Variants in PSKH1 observed in about 807,000 individuals in gnomAD.
The protein encoded by PSKH1 is protein serine kinase H1.
PSKH1 carries 12 observed loss-of-function variants against 26.7 expected under a neutral mutation model. That is an observed-to-expected ratio of 0.45 (90% CI 0.29 to 0.73). PSKH1 has a LOEUF of 0.73. Among genes scored for constraint, PSKH1 ranks in the 30% least tolerant of loss-of-function variants. The pLI is 0.11. For synonymous variants in PSKH1, 213 were observed against 234.3 expected (o/e 0.91, Z 0.83); for missense variants, 431 against 595.2 (o/e 0.72, Z 2.87).
intron 2 of PSKH1, among the ~76,000 whole-genome samples, chr16:67,910,705 G>A (rs543426709): frequency 1.3e-5 from 2 of 152,296 alleles, no homozygotes; most frequent in South Asian, 2.1e-4. Context: ...GTTTCGCGAC[G>A]TTGGCCAGCC....
chr16:67,912,013 T>C (rs1054010712), intron 2 of PSKH1, among the ~76,000 whole-genome samples: 8 of 152,212 alleles, frequency 5.3e-5, no homozygotes, highest in African/African-American at 1.9e-4. Flanking sequence ...AACTGGGATC[T>C]GTGGGCCTAG....
At chr16:67,913,148 G>A (rs1001867526) in intron 2 of PSKH1, among the ~76,000 whole-genome samples, 1 of 152,048 alleles carries the variant, frequency 6.6e-6, no homozygotes, top group African/African-American at 2.4e-5. Flanking sequence ...ATGTGCCACT[G>A]CACTCCAGCC....
At position 67,928,863 on chromosome 16, in the gene PSKH1, A is replaced by C. The variant is rs1442370886; in HGVS notation, c.*1221A>C. 6.6e-6 allele frequency: 1 copy of C among 152,540 alleles called. No individual in the cohort carries two copies. The highest frequency in any genetic ancestry group is 6.5e-5 in the Admixed American group (1 of 15,286). The allele number at this position is 152,540 out of a possible 1,614,324, so 9.4% of individuals were successfully genotyped here. Reference sequence around the variant, plus strand: ...GAGCTTCTGCGCACCCCTCCCTGGAACTTAGCCATACTGTGTGACCTGCCT... The same window carrying C: ...GAGCTTCTGCGCACCCCTCCCTGGACCTTAGCCATACTGTGTGACCTGCCT... On this transcript the variant is annotated 3_prime_UTR_variant, in exon 3 of 3. Coordinates refer to ENST00000291041, the MANE Select transcript of PSKH1 (RefSeq NM_006742.3). This position sits in a 1 kb window ranked among gnomAD's most constrained non-coding sequence, Gnocchi z 4.8.
chr16:67,928,825 C>A lies in PSKH1; in HGVS notation c.*1183C>A, dbSNP rs1399174605. ...GGGGAGGGTCCCGGGCTGCTCACCT[C>A]TCCCCTTCTGCTGAGCTTCTGCGCA... On this transcript the variant is annotated 3_prime_UTR_variant, in exon 3 of 3. Transcript: ENST00000291041. The surrounding 1 kb of genome is among the most constrained non-coding windows in gnomAD (Gnocchi z 4.8). 1 of 152,394 alleles carries A rather than the reference C, an allele frequency of 6.6e-6. No individual in the cohort carries two copies. The highest frequency in any genetic ancestry group is 1.9e-4 in the East Asian group (1 of 5,194). The allele number at this position is 152,394 out of a possible 1,614,324, so 9.4% of individuals were successfully genotyped here.
intron 2 of PSKH1, among the ~76,000 whole-genome samples, chr16:67,925,199 T>TA (rs200634556): frequency 4.5e-5 from 6 of 132,536 alleles, no homozygotes; most frequent in Admixed American, 7.6e-5. Context: ...AATATGAATA[T>TA]TTTTTTTTTT....
chr16:67,928,445 A>C lies in PSKH1; in HGVS notation c.*803A>C, dbSNP rs2058226325. The C allele has an allele frequency of 6.6e-6, 1 of 152,600 alleles. No individual in the cohort carries two copies. The allele number at this position is 152,600 out of a possible 1,614,324, so 9.5% of individuals were successfully genotyped here. On this transcript the variant is annotated 3_prime_UTR_variant, in exon 3 of 3. Coordinates refer to ENST00000291041, the MANE Select transcript of PSKH1 (RefSeq NM_006742.3). The surrounding 1 kb of genome is among the most constrained non-coding windows in gnomAD (Gnocchi z 4.8). ...CCTCTCCCCGTTGGATGTCCATTCCATTCCCCAGGTGCCTCCTTCCCAACT... is the reference window on the plus strand; with the variant it reads ...CCTCTCCCCGTTGGATGTCCATTCCCTTCCCCAGGTGCCTCCTTCCCAACT...
chr16:67,893,262 G>A lies in PSKH1; in HGVS notation c.-180G>A. On this transcript the variant is annotated 5_prime_UTR_variant, in exon 1 of 3. Transcript: ENST00000291041. ...CTGCGCGCTGTGATGACGCCACGAC[G>A]CTAACGCCCGAGAATGGCGGCGGCG... 1 of 160,558 alleles carries A rather than the reference G, an allele frequency of 6.2e-6. No homozygotes were observed. The highest frequency in any genetic ancestry group is 6.6e-5 in the Admixed American group (1 of 15,220). 9.9% of individuals were successfully genotyped at this position (160,558 alleles called of 1,614,324 possible).
At chr16:67,895,556 G>A (rs942880924) in intron 1 of PSKH1, among the ~76,000 whole-genome samples, 2 of 151,760 alleles carry the variant, frequency 1.3e-5, no homozygotes, top group Admixed American at 1.3e-4. Context: ...TTACAATCAC[G>A]CATCACCACG....
chr16:67,899,465 A>G (rs2058135969), intron 1 of PSKH1, among the ~76,000 whole-genome samples: 1 of 148,738 alleles, frequency 6.7e-6, no homozygotes, highest in Non-Finnish European at 1.5e-5. Flanking sequence ...CCTCCTGAGT[A>G]GCTGGGACTA....
At chr16:67,904,945 G>A (rs2058152165) in intron 1 of PSKH1, among the ~76,000 whole-genome samples, 1 of 150,232 alleles carries the variant, frequency 6.7e-6, no homozygotes, top group African/African-American at 2.5e-5. Flanking sequence ...TCCTGCCTCA[G>A]CCTCCCGAGT....
intron 2 of PSKH1, among the ~76,000 whole-genome samples, chr16:67,923,838 C>T (rs1443123009): frequency 6.6e-6 from 1 of 152,228 alleles, no homozygotes; most frequent in East Asian, 1.9e-4. Context: ...GCTTAGAATG[C>T]TTCCCAGCCA....
chr16:67,927,699 C>T lies in PSKH1; in HGVS notation c.*57C>T. 2.6e-6 allele frequency: 4 copies of T among 1,522,006 alleles called. No homozygotes were observed. The highest frequency in any genetic ancestry group is 3.5e-6 in the Non-Finnish European group (4 of 1,135,196). The allele number at this position is 1,522,006 out of a possible 1,614,324, so 94.3% of individuals were successfully genotyped here. A position where few individuals can be genotyped will look rare whatever the true frequency, so the allele number is the denominator to read the frequency against. On this transcript the variant is annotated 3_prime_UTR_variant, in exon 3 of 3. Transcript: ENST00000291041. The surrounding 1 kb of genome is among the most constrained non-coding windows in gnomAD (Gnocchi z 5.5). ...CCAGCCTGGCCACACACTGTGGTGC[C>T]ATCTGGGTCCGATGCCCTCTCTGGA... is the stretch of plus-strand genomic sequence containing the variant.
chr16:67,895,360 T>A, intron 1 of PSKH1, among the ~76,000 whole-genome samples: 1 of 151,948 alleles, frequency 6.6e-6, no homozygotes, highest in East Asian at 1.9e-4. Context: ...CCACCACACC[T>A]GACCCACTCT....
In PSKH1 at chr16:67,908,993, A is replaced by G. The variant is rs1217090998; in HGVS notation, c.244A>G (p.Arg82Gly). 6.2e-7 allele frequency: 1 copy of G among 1,613,996 alleles called. No individual in the cohort carries two copies. The highest frequency in any genetic ancestry group is 8.5e-7 in the Non-Finnish European group (1 of 1,179,986). ...EPPSEPPRRARVAKYRAKFDP... is the reference protein window; with the variant it reads ...EPPSEPPRRAGVAKYRAKFDP... ...TCCCTCAGAACCACCACGCAGGGCC[A>G]GGGTAGCTAAGTACAGGGCCAAGTT... is the stretch of plus-strand genomic sequence containing the variant. The change falls in exon 2 of 3, where the codon AGG becomes GGG. Residue 82 changes from arginine (R) to glycine (G), a missense_variant. By Grantham distance (125) the Arg-to-Gly change is moderately radical. Transcript: ENST00000291041.
chr16:67,905,381 G>A (rs1243111623), intron 1 of PSKH1, among the ~76,000 whole-genome samples: 1 of 152,038 alleles, frequency 6.6e-6, no homozygotes, highest in African/African-American at 2.4e-5. Flanking sequence ...CTGGGTTTCT[G>A]AGCCTTTGCA....
intron 2 of PSKH1, among the ~76,000 whole-genome samples, chr16:67,917,933 C>G (rs998483477): frequency 6.6e-6 from 1 of 152,078 alleles, no homozygotes; most frequent in Admixed American, 6.5e-5. Context: ...AGAGGGCATG[C>G]TGGAAGTGGT....
chr16:67,927,645 CG>C lies in PSKH1; in HGVS notation c.*4del. The C allele has an allele frequency of 6.3e-7, 1 of 1,597,588 alleles. No homozygotes were observed. ...ACCAGCAGCAATACAATGGCTGAGC[CG>C]CCTGGCTGTGCACACATGCAGCACG... On this transcript the variant is annotated 3_prime_UTR_variant, in exon 3 of 3. Coordinates refer to ENST00000291041, the MANE Select transcript of PSKH1 (RefSeq NM_006742.3). This position sits in a 1 kb window ranked among gnomAD's most constrained non-coding sequence, Gnocchi z 5.5.
chr16:67,903,570 C>T (rs191155076), intron 1 of PSKH1, among the ~76,000 whole-genome samples: 314 of 151,940 alleles, frequency 2.1e-3, no homozygotes, highest in South Asian at 0.012. Context: ...CAGGTTTAAG[C>T]GATTCTCCTG....
chr16:67,898,252 C>A (rs571269284), intron 1 of PSKH1, among the ~76,000 whole-genome samples: 4 of 152,184 alleles, frequency 2.6e-5, no homozygotes, highest in African/African-American at 9.6e-5. Flanking sequence ...TGGTGAAACC[C>A]TGTCTCTACT....
Sources: gnomAD v4.1 joint callset for allele counts (sites outside exome capture counted in the v4.1 genomes callset) on GRCh38, gnomAD v4.1.1 for gene constraint, Gnocchi (gnomAD v3.1) non-coding constraint, MANE v1.5 for transcripts, NCBI Gene and HGNC (gene_info 2026-07-23, HGNC 2026-07-21) for gene names.